Variants in FRMD4B observed in about 807,000 individuals in gnomAD.
The protein encoded by FRMD4B is FERM domain-containing protein 4B.
FRMD4B carries 74 observed loss-of-function variants against 141.5 expected under a neutral mutation model. The observed-to-expected ratio is 0.52, with a 90% CI of 0.43 to 0.63. FRMD4B has a LOEUF of 0.63. Ranked by LOEUF, FRMD4B falls within the 30% of genes least tolerant of loss-of-function variation. FRMD4B has a pLI of 0.00. For synonymous variants in FRMD4B, 506 were observed against 467.9 expected, an observed-to-expected ratio of 1.08 and a Z score of -1.05; for missense variants, 1,366 against 1,253.4, an observed-to-expected ratio of 1.09 and a Z score of -1.36.
intron 1 of FRMD4B, among the ~76,000 whole-genome samples, chr3:69,492,168 G>A (rs1260617695): frequency 6.6e-6 from 1 of 152,112 alleles, no homozygotes; most frequent in Non-Finnish European, 1.5e-5. Flanking sequence ...AGAGCATGTG[G>A]TATGACCACA....
chr3:69,222,467 C>CAAAAAA (rs11293743), intron 8 of FRMD4B, among the ~76,000 whole-genome samples: 1 of 95,002 alleles, frequency 1.1e-5, no homozygotes, highest in African/African-American at 4.3e-5. Flanking sequence ...AAATCCATCT[C>CAAAAAA]AAAAAAAAAA....
chr3:69,341,464 C>T (rs1235378861), intron 1 of FRMD4B, among the ~76,000 whole-genome samples: 1 of 152,174 alleles, frequency 6.6e-6, no homozygotes, highest in Non-Finnish European at 1.5e-5. Flanking sequence ...ATTCCTGCTC[C>T]CAGAGAAACA....
At chr3:69,414,470 G>A (rs1704815339) in intron 2 of FRMD4B, among the ~76,000 whole-genome samples, 1 of 152,234 alleles carries the variant, frequency 6.6e-6, no homozygotes. Flanking sequence ...GGAAAATAAT[G>A]CTTCTTTTTA....
rs768563771 is a variant in FRMD4B, at chr3:69,385,841, T to G, written c.149A>C (p.Gln50Pro). The change falls in exon 1 of 23, where the codon CAG (glutamine) becomes CCG (proline). Residue 50 changes from glutamine to proline, a missense_variant. Transcript: ENST00000398540. The stretch of plus-strand genomic sequence containing the variant: ...GCTCCAGCTCACCTGGTACACGTCC[T>G]GCAGCCCGCACCACGTCCGCAGCAC... The part of the protein sequence containing the change: ...HQVLRTWCGL[Q>P]DVYQMTEGRH... 6.3e-7 allele frequency: 1 copy of G among 1,588,588 alleles called. No individual in the cohort carries two copies. Among genetic ancestry groups the G allele is most frequent in the Admixed American group, 1.8e-5 (1 of 57,104 alleles).
At chr3:69,174,571 A>G (rs1261997488) in intron 22 of FRMD4B, among the ~76,000 whole-genome samples, 5 of 152,142 alleles carry the variant, frequency 3.3e-5, no homozygotes, top group African/African-American at 1.2e-4. Flanking sequence ...GCATACACAA[A>G]CACACAATAG....
At chr3:69,295,124 C>T (rs1452571474) in intron 4 of FRMD4B, among the ~76,000 whole-genome samples, 2 of 152,098 alleles carry the variant, frequency 1.3e-5, no homozygotes, top group East Asian at 1.9e-4. Flanking sequence ...TCCAACAACC[C>T]CCAAAGTAGG....
chr3:69,243,360 G>A (rs909117333), intron 7 of FRMD4B, among the ~76,000 whole-genome samples: 1 of 152,214 alleles, frequency 6.6e-6, no homozygotes, highest in African/African-American at 2.4e-5. Context: ...ACAAAGCCAT[G>A]AAGGCAGATA....
intron 1 of FRMD4B, among the ~76,000 whole-genome samples, chr3:69,384,292 A>G (rs1009288685): frequency 6.6e-6 from 1 of 152,202 alleles, no homozygotes; most frequent in African/African-American, 2.4e-5. Flanking sequence ...TTATTTTTGA[A>G]TTGGTCAGTA....
At chr3:69,344,543 G>A (rs1702864095) in intron 1 of FRMD4B, among the ~76,000 whole-genome samples, 1 of 152,202 alleles carries the variant, frequency 6.6e-6, no homozygotes, top group African/African-American at 2.4e-5. Flanking sequence ...GGATTCTGAA[G>A]ACTGAATATG....
chr3:69,230,748 G>GA (rs75656969), intron 7 of FRMD4B, among the ~76,000 whole-genome samples: 1,371 of 136,604 alleles, frequency 0.01, 21 homozygotes, highest in Middle Eastern at 0.024. Flanking sequence ...ACTCTGCCTC[G>GA]AAAAAAAAAA....
chr3:69,313,389 C>A, intron 2 of FRMD4B, 63 bp downstream of exon 2: 1 of 1,054,064 alleles, frequency 9.5e-7, no homozygotes, highest in Non-Finnish European at 1.4e-6. Context: ...GAGCTGTCCC[C>A]GTGAGGGTAA....
intron 1 of FRMD4B, among the ~76,000 whole-genome samples, chr3:69,528,155 CT>C (rs1270434557): frequency 1.3e-5 from 2 of 152,150 alleles, no homozygotes; most frequent in African/African-American, 2.4e-5. Context: ...AGAAAAACTG[CT>C]CAAGTGTGAT....
chr3:69,284,715 A>T (rs1351421152), intron 5 of FRMD4B, among the ~76,000 whole-genome samples: 1 of 152,236 alleles, frequency 6.6e-6, no homozygotes, highest in Non-Finnish European at 1.5e-5. Flanking sequence ...TAACAAAGAC[A>T]AAAATCAATC....
chr3:69,188,666 A>T (rs2107622896), intron 18 of FRMD4B, among the ~76,000 whole-genome samples: 1 of 149,640 alleles, frequency 6.7e-6, no homozygotes, highest in East Asian at 2.0e-4. Context: ...CTGAGGCAGG[A>T]GAATGGCGTG....
intron 2 of FRMD4B, among the ~76,000 whole-genome samples, chr3:69,403,775 A>G (rs1409396966): frequency 1.3e-5 from 2 of 152,128 alleles, no homozygotes; most frequent in Non-Finnish European, 2.9e-5. Context: ...CTCTATCTCT[A>G]TTCCAAAAGT....
Position 69,193,798 on chromosome 3 carries a change from T to G in FRMD4B, c.1564A>C (p.Asn522His). The G allele has an allele frequency of 6.2e-7, 1 of 1,613,858 alleles. No homozygotes were observed. Among genetic ancestry groups the G allele is most frequent in the Non-Finnish European group, 8.5e-7 (1 of 1,179,714 alleles). Residue 522 changes from asparagine (N) to histidine (H), a missense_variant, in exon 17 of 23, where the codon AAT becomes CAT. Asn to His is a moderately conservative substitution (Grantham distance 68). Coordinates refer to ENST00000398540, the MANE Select transcript of FRMD4B (RefSeq NM_015123.3). ...ACAGTTTTACAAAGGTCTGGCTCAT[T>G]GGCAAGTTTCTTTGCAGCTTCCACC... ...KLVEAAKKLA[N>H]EPDLCKTVKK...
chr3:69,433,489 T>C (rs1368505100), intron 1 of FRMD4B, among the ~76,000 whole-genome samples: 3 of 152,040 alleles, frequency 2.0e-5, no homozygotes, highest in Non-Finnish European at 4.4e-5. Flanking sequence ...TAAGTGAAAC[T>C]CTCTGTGGCA....
At chr3:69,269,589 G>A (rs1278887688) in intron 5 of FRMD4B, among the ~76,000 whole-genome samples, 1 of 152,204 alleles carries the variant, frequency 6.6e-6, no homozygotes, top group Non-Finnish European at 1.5e-5. Context: ...ATCTTGGCTG[G>A]TGTCCAACAC....
At chr3:69,240,033 G>A (rs1032497341) in intron 7 of FRMD4B, among the ~76,000 whole-genome samples, 3 of 151,202 alleles carry the variant, frequency 2.0e-5, no homozygotes, top group Non-Finnish European at 2.9e-5. Flanking sequence ...CAGCCTGGGC[G>A]ACAGAGCAAG....
Sources: allele counts gnomAD v4.1 joint callset (sites outside exome capture counted in the v4.1 genomes callset), GRCh38; gene constraint gnomAD v4.1.1; transcripts MANE v1.5; gene names NCBI Gene and HGNC (gene_info 2026-07-23, HGNC 2026-07-21).